ARID1A: variants seen among roughly 807,000 people sequenced by gnomAD.
ARID1A encodes the protein AT-rich interactive domain-containing protein 1A.
In ARID1A, 20 loss-of-function variants were observed where a neutral mutation model predicts 212.6. The ratio of observed to expected loss-of-function variants is 0.09; its 90% CI spans 0.07 to 0.14. The LOEUF (loss-of-function observed/expected upper bound fraction) is 0.14. Among genes scored for constraint, ARID1A ranks in the 10% least tolerant of loss-of-function variants. The probability of loss-of-function intolerance (pLI) is 1.00; values close to 1 mark genes in which losing one functional copy is unlikely to be tolerated. For missense variants in ARID1A, 2,587 were observed against 3,059.0 expected, an observed-to-expected ratio of 0.85 and a Z score of 3.64; for synonymous variants, 1,376 against 1,222.1, an observed-to-expected ratio of 1.13 and a Z score of -2.63.
At chr1:26,729,379 T>C (rs2080650719) in intron 1 of ARID1A, 2 of 460,074 alleles carry the variant, frequency 4.3e-6, no homozygotes, top group Admixed American at 3.4e-5. Context: ...GGCCTGTCCC[T>C]TGGATCTCAA....
chr1:26,696,999 A>G lies in ARID1A; in HGVS notation c.596A>G (p.Gln199Arg), dbSNP rs749215239. 6.6e-7 allele frequency: 1 copy of G among 1,526,146 alleles called. No individual in the cohort carries two copies. Among genetic ancestry groups the G allele is most frequent in the South Asian group, 1.2e-5 (1 of 81,108 alleles). 94.5% of individuals were successfully genotyped at this position (1,526,146 alleles called of 1,614,324 possible). A position where few individuals can be genotyped will look rare whatever the true frequency, so the allele number is the denominator to read the frequency against. ...GGGLEPYAGP[Q>R]QNSHDHGFPN... ...GGCCTGGAGCCCTACGCGGGGCCCC[A>G]GCAGAACTCTCACGACCACGGCTTC... The change falls in exon 1 of 20, where the codon CAG becomes CGG. Residue 199 changes from glutamine to arginine, a missense_variant. By Grantham distance (43) the Gln-to-Arg change is conservative. Coordinates refer to ENST00000324856, the MANE Select transcript of ARID1A (RefSeq NM_006015.6).
rs781403992 is a variant in ARID1A, at chr1:26,774,605, G to A, written c.4378G>A (p.Gly1460Ser). Reference sequence around the variant, plus strand: ...CCAGAACCAATTTCCATTCCAGTTTGGCCGAGACCGTGTCTCTGCACCCCC... The same window carrying A: ...CCAGAACCAATTTCCATTCCAGTTTAGCCGAGACCGTGTCTCTGCACCCCC... ...GPQNQFPFQF[G>S]RDRVSAPPGT... is the part of the protein sequence containing the mutation. Residue 1460 changes from glycine (G) to serine (S), a missense_variant, in exon 18 of 20, where the codon GGC becomes AGC. This residue lies in a region of ARID1A where 890 missense variants were observed against 1,098.2 expected (regional missense o/e 0.81). Coordinates refer to ENST00000324856, the MANE Select transcript of ARID1A (RefSeq NM_006015.6). This position sits in a 1 kb window ranked among gnomAD's most constrained non-coding sequence, Gnocchi z 5.6. 3.7e-5 allele frequency: 60 copies of A among 1,614,072 alleles called. 1 individual carries two copies. The highest frequency in any genetic ancestry group is 2.0e-5 in the Non-Finnish European group (24 of 1,180,048).
At position 26,768,010 on chromosome 1, in the gene ARID1A, G is replaced by T. The variant is rs746549422; in HGVS notation, c.3198+11G>T. 8.7e-6 allele frequency: 14 copies of T among 1,612,294 alleles called. No individual in the cohort carries two copies. The highest frequency in any genetic ancestry group is 8.5e-7 in the Non-Finnish European group (1 of 1,178,770). The stretch of plus-strand genomic sequence containing the variant: ...GGTGGATTGACTCAGGTGAGTGGGC[G>T]CCTGACACTTGACTGCCCCTGTGGT... On this transcript the variant is annotated intron_variant, in intron 11 of 19. Transcript: ENST00000324856.
Position 26,780,542 on chromosome 1 carries a change from T to C in ARID1A, c.6644T>C (p.Leu2215Pro), listed in dbSNP as rs772207194. The C allele has an allele frequency of 1.9e-6, 3 of 1,614,124 alleles. No individual in the cohort carries two copies. The Admixed American group carries it at 5.0e-5, about 27-fold the overall frequency. The change falls in exon 20 of 20, where the codon CTC becomes CCC. Residue 2215 changes from leucine (L) to proline (P), a missense_variant. Physicochemically the swap from Leu to Pro is moderately conservative, Grantham distance 98 (BLOSUM62 -3). Around this residue, in one of 11 missense-constraint regions of ARID1A, gnomAD observed 24 missense variants for 16.5 expected, o/e 1.46. Coordinates refer to ENST00000324856, the MANE Select transcript of ARID1A (RefSeq NM_006015.6). This position sits in a 1 kb window ranked among gnomAD's most constrained non-coding sequence, Gnocchi z 7.2. ...CAGTTCCAGCAGAGCCAGGCCAGCC[T>C]CCTCCACATGCAGAACCCACCCTTT... Reference protein sequence around the residue: ...ATQFQQSQASLLHMQNPPFEP... With the variant: ...ATQFQQSQASPLHMQNPPFEP...
At chr1:26,741,585 A>G (rs1439004227) in intron 4 of ARID1A, among the ~76,000 whole-genome samples, 1 of 152,176 alleles carries the variant, frequency 6.6e-6, no homozygotes, top group Non-Finnish European at 1.5e-5. Context: ...AAAGGAATCA[A>G]AGGCATCCAC....
intron 1 of ARID1A, among the ~76,000 whole-genome samples, chr1:26,710,022 G>T (rs559154246): frequency 1.3e-5 from 2 of 150,686 alleles, no homozygotes; most frequent in Non-Finnish European, 3.0e-5. Context: ...AGTAGAGACG[G>T]GGTTTCACCA....
chr1:26,761,300 C>A, intron 5 of ARID1A, 84 bp from the exon 6 acceptor site: 2 of 1,538,294 alleles, frequency 1.3e-6, no homozygotes, highest in Non-Finnish European at 1.8e-6. Flanking sequence ...TCTTCATGAG[C>A]CATTTCTAGC....
Position 26,696,595 on chromosome 1 carries a change from G to A in ARID1A, c.192G>A (p.Gly64=), listed in dbSNP as rs2124740661. The A allele has an allele frequency of 1.6e-6, 2 of 1,232,876 alleles. No individual in the cohort carries two copies. The highest frequency in any genetic ancestry group is 2.0e-6 in the Non-Finnish European group (2 of 989,822). 76.4% of individuals were successfully genotyped at this position (1,232,876 alleles called of 1,614,324 possible). A position where few individuals can be genotyped will look rare whatever the true frequency, so the allele number is the denominator to read the frequency against. ...AGGAAAGCGAGGGCCCCGCCGTGGG[G>A]CCGCCGCAGCCGCTGGGAAAGGAGC... is the stretch of plus-strand genomic sequence containing the variant. ...AGQESEGPAV[G]PPQPLGKELQ... Residue 64 remains glycine (G), a synonymous_variant, in exon 1 of 20, where the codon GGG becomes GGA. Transcript: ENST00000324856.
intron 1 of ARID1A, among the ~76,000 whole-genome samples, chr1:26,720,451 C>T (rs1327949947): frequency 1.3e-5 from 2 of 148,262 alleles, no homozygotes; most frequent in Admixed American, 1.4e-4. Flanking sequence ...CCAGCATGGG[C>T]GACAGAGCAA....
At chr1:26,704,903 A>C (rs2080373890) in intron 1 of ARID1A, among the ~76,000 whole-genome samples, 1 of 151,996 alleles carries the variant, frequency 6.6e-6, no homozygotes, top group Non-Finnish European at 1.5e-5. Flanking sequence ...TACTATGGCC[A>C]AGCAGCTAAC....
intron 1 of ARID1A, among the ~76,000 whole-genome samples, chr1:26,698,006 C>T (rs1417249204): frequency 6.6e-6 from 1 of 152,104 alleles, no homozygotes; most frequent in Non-Finnish European, 1.5e-5. Context: ...AAAGAGGGCC[C>T]CTAGAGCTCG....
At chr1:26,750,621 A>G (rs948293281) in intron 4 of ARID1A, among the ~76,000 whole-genome samples, 1 of 152,026 alleles carries the variant, frequency 6.6e-6, no homozygotes, top group Non-Finnish European at 1.5e-5. Context: ...GAGGCCATCT[A>G]GAGGCCAGGA....
At chr1:26,747,006 C>T (rs1367512817) in intron 4 of ARID1A, among the ~76,000 whole-genome samples, 2 of 152,164 alleles carry the variant, frequency 1.3e-5, no homozygotes, top group Non-Finnish European at 2.9e-5. Context: ...CGCGCCACTG[C>T]ACTCCAGCCT....
rs1375682702 is a variant in ARID1A, at chr1:26,771,957, A to C, written c.3407-543A>C. ...CAGCTGGGGAGGCCTCAGCAGTGGG[A>C]TATCTACTGCTGGGAATGGTAACTA... On this transcript the variant is annotated intron_variant, in intron 12 of 19. Coordinates refer to ENST00000324856, the MANE Select transcript of ARID1A (RefSeq NM_006015.6). The surrounding 1 kb of genome is among the most constrained non-coding windows in gnomAD (Gnocchi z 5.4). The C allele has an allele frequency of 6.2e-6, 1 of 162,590 alleles. No homozygotes were observed. Among genetic ancestry groups the C allele is most frequent in the Non-Finnish European group, 1.4e-5 (1 of 73,748 alleles). 10.1% of individuals were successfully genotyped at this position (162,590 alleles called of 1,614,324 possible).
chr1:26,734,840 A>G (rs982784252), intron 4 of ARID1A, among the ~76,000 whole-genome samples: 2 of 152,128 alleles, frequency 1.3e-5, no homozygotes, highest in African/African-American at 4.8e-5. Context: ...TCACTAAACA[A>G]ATGTTTATGA....
intron 4 of ARID1A, among the ~76,000 whole-genome samples, chr1:26,739,467 A>T (rs1414597745): frequency 1.3e-5 from 2 of 152,228 alleles, no homozygotes; most frequent in African/African-American, 2.4e-5. Flanking sequence ...GAAGACCACA[A>T]TTGGAATGAG....
At chr1:26,737,799 A>G (rs1167658808) in intron 4 of ARID1A, among the ~76,000 whole-genome samples, 1 of 151,034 alleles carries the variant, frequency 6.6e-6, no homozygotes, top group Non-Finnish European at 1.5e-5. Flanking sequence ...TGGGAGGCAG[A>G]GGTTGCGGTG....
intron 1 of ARID1A, among the ~76,000 whole-genome samples, chr1:26,702,258 C>A (rs569719094): frequency 2.0e-5 from 3 of 152,182 alleles, no homozygotes; most frequent in African/African-American, 7.2e-5. Flanking sequence ...TGTTTCTCAT[C>A]GCTATGGTTT....
At position 26,696,250 on chromosome 1, in the gene ARID1A, AGAG is replaced by A; in HGVS notation, c.-150_-148del. On this transcript the variant is annotated 5_prime_UTR_variant, in exon 1 of 20. Transcript: ENST00000324856. ...AGCCTGAGCCGGCGGGGCGGGGGGG[AGAG>A]GAGCGAGCGCAGCGCAGCAGCGGAG... The A allele has an allele frequency of 1.4e-6, 1 of 711,786 alleles. No homozygotes were observed. Among genetic ancestry groups the A allele is most frequent in the Non-Finnish European group, 1.8e-6 (1 of 567,934 alleles). 44.1% of individuals were successfully genotyped at this position (711,786 alleles called of 1,614,324 possible). A position where few individuals can be genotyped will look rare whatever the true frequency, so the allele number is the denominator to read the frequency against.
Sources: gnomAD v4.1 joint callset for allele counts (sites outside exome capture counted in the v4.1 genomes callset) on GRCh38, gnomAD v4.1.1 for gene constraint, gnomAD v4.1.1 regional missense constraint, Gnocchi (gnomAD v3.1) non-coding constraint, MANE v1.5 for transcripts, NCBI Gene and HGNC (gene_info 2026-07-23, HGNC 2026-07-21) for gene names.